RAD9B: variants seen among roughly 807,000 people sequenced by gnomAD.
The protein encoded by RAD9B is RAD9 checkpoint clamp component B.
A neutral mutation model predicts 48.3 loss-of-function variants in RAD9B; 41 were observed. That is an observed-to-expected ratio of 0.85 (90% CI 0.66 to 1.10). RAD9B has a LOEUF of 1.10. Ranked by LOEUF, RAD9B falls within the 50% of genes least tolerant of loss-of-function variation. The pLI is 0.00. For missense variants in RAD9B, 444 were observed against 485.1 expected (o/e 0.92, Z 0.80); for synonymous variants, 160 against 157.9 (o/e 1.01, Z -0.10).
chr12:110,513,093 G>A (rs1435710728), intron 5 of RAD9B, among the ~76,000 whole-genome samples: 2 of 151,822 alleles, frequency 1.3e-5, no homozygotes, highest in African/African-American at 4.8e-5. Context: ...AGCCTCCCGA[G>A]TAGCTGGGAC....
intron 10 of RAD9B, among the ~76,000 whole-genome samples, chr12:110,528,130 G>A (rs1243103782): frequency 6.6e-6 from 1 of 152,218 alleles, no homozygotes. Flanking sequence ...AGGGCTGACA[G>A]ACTGAATGTT....
At chr12:110,520,568 C>T in intron 9 of RAD9B, among the ~76,000 whole-genome samples, 1 of 138,600 alleles carries the variant, frequency 7.2e-6, no homozygotes, top group Admixed American at 7.4e-5. Context: ...ACAGGAAAGT[C>T]TATATTCACT....
chr12:110,506,083 G>A (rs1412576233), intron 3 of RAD9B, among the ~76,000 whole-genome samples: 2 of 151,522 alleles, frequency 1.3e-5, no homozygotes, highest in African/African-American at 2.4e-5. Flanking sequence ...TGAGGGTTTC[G>A]CCATGTTGGC....
chr12:110,504,329 CATG>C, intron 2 of RAD9B, among the ~76,000 whole-genome samples: 2 of 151,706 alleles, frequency 1.3e-5, no homozygotes, highest in Non-Finnish European at 2.9e-5. Flanking sequence ...ATTAGCCTGG[CATG>C]GTGGTGGGCA....
At chr12:110,514,132 G>T (rs1274497015) in intron 5 of RAD9B, among the ~76,000 whole-genome samples, 2 of 150,830 alleles carry the variant, frequency 1.3e-5, no homozygotes, top group East Asian at 3.9e-4. Context: ...AAATTATTTG[G>T]TATCTTGTAT....
At chr12:110,520,045 T>C (rs923156626) in intron 9 of RAD9B, 129 bp downstream of exon 9, 3 of 957,612 alleles carry the variant, frequency 3.1e-6, no homozygotes, top group African/African-American at 3.4e-5. Flanking sequence ...TTTGACTGAA[T>C]ACAGAAGAGC....
chr12:110,505,401 C>T (rs2063232506), intron 2 of RAD9B, among the ~76,000 whole-genome samples: 1 of 152,090 alleles, frequency 6.6e-6, no homozygotes, highest in Non-Finnish European at 1.5e-5. Context: ...ATGACGTTTT[C>T]TGAATCAAGC....
intron 10 of RAD9B, 129 bp from the exon 11 acceptor site, chr12:110,530,396 T>C: frequency 1.2e-6 from 1 of 849,234 alleles, no homozygotes; most frequent in East Asian, 2.5e-5. Context: ...CTGGGTGTTC[T>C]GTGAACCATC....
chr12:110,512,845 ATGTT>A lies in RAD9B; in HGVS notation c.459_462del (p.Cys154LeufsTer4), dbSNP rs1311472769. Reference sequence around the variant, plus strand: ...CCTTTGCAAGTTATTTTTGACAAGAATGTTTGTACTAATACGCTAATGATTCAAC... The same window carrying A: ...CCTTTGCAAGTTATTTTTGACAAGAATGTACTAATACGCTAATGATTCAAC... On this transcript the variant is annotated frameshift_variant, in exon 5 of 11. Coordinates refer to ENST00000409300, the MANE Select transcript of RAD9B (RefSeq NM_001286535.2). LOFTEE classifies it high-confidence loss of function. 3.9e-6 allele frequency: 6 copies of A among 1,554,094 alleles called. No homozygotes were observed. The African/African-American group carries it at 6.8e-5, about 18-fold the overall frequency.
At position 110,505,688 on chromosome 12, in the gene RAD9B, G is replaced by A. The variant is rs1163929921; in HGVS notation, c.189G>A (p.Gln63=). 6.3e-7 allele frequency: 1 copy of A among 1,599,282 alleles called. No homozygotes were observed. Among genetic ancestry groups the A allele is most frequent in the Middle Eastern group, 1.7e-4 (1 of 6,040 alleles). The stretch of plus-strand genomic sequence containing the variant: ...TCCTGTTCTCTCCTGTGTTTTTTCA[G>A]CATTATCAATGGTCAGCTTTAGTGA... ...GCVLFSPVFF[Q]HYQWSALVKM... The change falls in exon 3 of 11, where the codon CAG becomes CAA. Residue 63 remains glutamine (Q), a synonymous_variant. Coordinates refer to ENST00000409300, the MANE Select transcript of RAD9B (RefSeq NM_001286535.2).
intron 2 of RAD9B, 48 bp downstream of exon 2, chr12:110,503,924 T>G: frequency 8.7e-7 from 1 of 1,150,986 alleles, no homozygotes; most frequent in Non-Finnish European, 1.2e-6. Context: ...GAGGAGATGT[T>G]TAAAGATCCC....
At chr12:110,514,896 G>A (rs2063563186) in intron 5 of RAD9B, among the ~76,000 whole-genome samples, 154 bp from the exon 6 acceptor site, 1 of 152,284 alleles carries the variant, frequency 6.6e-6, no homozygotes, top group South Asian at 2.1e-4. Context: ...TAGCAGCTAT[G>A]TATAAGAAAG....
chr12:110,527,768 A>G (rs547525921), intron 10 of RAD9B, among the ~76,000 whole-genome samples: 3 of 152,352 alleles, frequency 2.0e-5, no homozygotes, highest in Non-Finnish European at 4.4e-5. Flanking sequence ...ATAAAGGAGA[A>G]GTTCAGGGTG....
chr12:110,531,598 G>T lies in RAD9B; in HGVS notation c.*945G>T, dbSNP rs775619845. On this transcript the variant is annotated 3_prime_UTR_variant, in exon 11 of 11. Transcript: ENST00000409300. ...GTGTGCTGCAGGAAAGAATTTAATGGAAGTGATGCCAAATATTTCTGTATT... is the reference window on the plus strand; with the variant it reads ...GTGTGCTGCAGGAAAGAATTTAATGTAAGTGATGCCAAATATTTCTGTATT... 6.2e-7 allele frequency: 1 copy of T among 1,609,826 alleles called. No individual in the cohort carries two copies. Among genetic ancestry groups the T allele is most frequent in the South Asian group, 1.1e-5 (1 of 90,724 alleles).
chr12:110,531,426 A>T lies in RAD9B; in HGVS notation c.*773A>T. The T allele has an allele frequency of 1.7e-6, 1 of 589,568 alleles. No homozygotes were observed. The highest frequency in any genetic ancestry group is 1.9e-5 in the South Asian group (1 of 53,210). The allele number at this position is 589,568 out of a possible 1,614,324, so 36.5% of individuals were successfully genotyped here. A position where few individuals can be genotyped will look rare whatever the true frequency, so the allele number is the denominator to read the frequency against. ...AGGGTGGTCTTGAACTCCTGGCCTC[A>T]AGTGATCTGCCCACCTCGGCCTCCC... On this transcript the variant is annotated 3_prime_UTR_variant, in exon 11 of 11. Transcript: ENST00000409300.
intron 4 of RAD9B, among the ~76,000 whole-genome samples, chr12:110,509,290 G>A (rs748310063): frequency 3.3e-5 from 5 of 151,866 alleles, no homozygotes; most frequent in Non-Finnish European, 7.4e-5. Context: ...ATTGTTTGTA[G>A]AGATGGGGTT....
At chr12:110,509,663 A>G (rs1465557090) in intron 4 of RAD9B, among the ~76,000 whole-genome samples, 2 of 152,164 alleles carry the variant, frequency 1.3e-5, no homozygotes, top group Admixed American at 6.5e-5. Context: ...GGAAGAAAAC[A>G]AGTAGCAAGA....
At position 110,530,548 on chromosome 12, in the gene RAD9B, A is replaced by C. The variant is rs998642892; in HGVS notation, c.1149A>C (p.Ala383=). Residue 383 remains alanine (A), a synonymous_variant, in exon 11 of 11, where the codon GCA becomes GCC. Transcript: ENST00000409300. ...AGTTTTCTTGCATGTTCTTTGGAGC[A>C]GTTTCTTCTGACCAGCAAGAACACT... ...LRKFSCMFFG[A]VSSDQQEHFN... is the part of the protein sequence containing the mutation. 4.3e-6 allele frequency: 7 copies of C among 1,613,860 alleles called. No homozygotes were observed. Among genetic ancestry groups the C allele is most frequent in the Non-Finnish European group, 5.9e-6 (7 of 1,179,876 alleles).
chr12:110,510,084 G>A (rs148886875), intron 4 of RAD9B, among the ~76,000 whole-genome samples: 23 of 152,302 alleles, frequency 1.5e-4, no homozygotes, highest in South Asian at 4.1e-4. Context: ...AACTCTCCCA[G>A]TAGCTCCCCA....
Sources: allele counts gnomAD v4.1 joint callset (sites outside exome capture counted in the v4.1 genomes callset), GRCh38; gene constraint gnomAD v4.1.1; transcripts MANE v1.5; gene names NCBI Gene and HGNC (gene_info 2026-07-23, HGNC 2026-07-21).